The following SMYD3 variants were observed in gnomAD, a reference collection of about 807,000 sequenced individuals.
SMYD3 encodes the protein histone-lysine N-methyltransferase SMYD3.
Under a neutral mutation model 57.7 loss-of-function variants are expected in SMYD3, and 36 were observed. That is an observed-to-expected ratio of 0.62 (90% CI 0.48 to 0.82). The LOEUF (loss-of-function observed/expected upper bound fraction) is 0.82, where lower values mean the gene tolerates loss of function less well. Among genes scored for constraint, SMYD3 ranks in the 40% least tolerant of loss-of-function variants. The pLI is 0.00. For missense variants in SMYD3, 515 were observed against 538.8 expected (o/e 0.96, Z 0.44); for synonymous variants, 211 against 195.0 (o/e 1.08, Z -0.68).
chr1:245,960,727 C>CAAA (rs2057980695), intron 5 of SMYD3, among the ~76,000 whole-genome samples: 1 of 150,462 alleles, frequency 6.6e-6, no homozygotes, highest in East Asian at 2.0e-4. Context: ...GACTCTGTCT[C>CAAA]TAAATAAATA....
At position 246,029,355 on chromosome 1, in the gene SMYD3, G is replaced by T. The variant is rs534485754; in HGVS notation, c.532-99418C>A. Reference sequence around the variant, plus strand: ...TAATCCAGTTAAAAAGTGGGCAAATGATATGAATAGAAATGTCTCAAAAGA... The same window carrying T: ...TAATCCAGTTAAAAAGTGGGCAAATTATATGAATAGAAATGTCTCAAAAGA... On this transcript the variant is annotated intron_variant, in intron 5 of 11. Transcript: ENST00000490107. 1.6e-4 allele frequency among the ~76,000 whole-genome samples: 25 copies of T among 152,258 alleles called. No individual in the cohort carries two copies. The South Asian group carries it at 4.8e-3, about 29-fold the overall frequency.
intron 1 of SMYD3, among the ~76,000 whole-genome samples, chr1:246,382,479 G>A (rs1429949472): frequency 6.6e-6 from 1 of 151,998 alleles, no homozygotes; most frequent in Non-Finnish European, 1.5e-5. Flanking sequence ...TTAGGCACCA[G>A]GCTAGCACCT....
intron 5 of SMYD3, among the ~76,000 whole-genome samples, chr1:245,973,281 G>A (rs1458835873): frequency 1.3e-5 from 2 of 152,226 alleles, no homozygotes; most frequent in Non-Finnish European, 1.5e-5. Context: ...TTATGTTTTT[G>A]AGGTTATAGC....
intron 8 of SMYD3, among the ~76,000 whole-genome samples, chr1:245,895,083 G>A (rs1268713753): frequency 6.6e-6 from 1 of 152,172 alleles, no homozygotes; most frequent in Non-Finnish European, 1.5e-5. Flanking sequence ...ACAGCCCATC[G>A]TAGCATGCCC....
In SMYD3 at chr1:246,348,077, T is replaced by TATATATATATATATACACACATACATAC; in HGVS notation, c.228+6953_228+6954insGTATGTATGTGTGTATATATATATATAT. Among the ~76,000 whole-genome samples the TATATATATATATATACACACATACATAC allele has an allele frequency of 1.7e-4, 15 of 86,502 alleles. 1 individual carries two copies. Among genetic ancestry groups the TATATATATATATATACACACATACATAC allele is most frequent in the South Asian group, 9.8e-4 (3 of 3,064 alleles). 56.7% of individuals were successfully genotyped at this position (86,502 alleles called of 152,430 possible). A position where few individuals can be genotyped will look rare whatever the true frequency, so the allele number is the denominator to read the frequency against. ...AGAAAACGTTATATATATATATATA[T>TATATATATATATATACACACATACATAC]ACACACACACCATCAAATACTATGA... On this transcript the variant is annotated intron_variant, in intron 2 of 11. Coordinates refer to ENST00000490107, the MANE Select transcript of SMYD3 (RefSeq NM_001167740.2).
chr1:246,093,141 G>A (rs1054382758), intron 5 of SMYD3, among the ~76,000 whole-genome samples: 3 of 152,104 alleles, frequency 2.0e-5, no homozygotes, highest in Non-Finnish European at 4.4e-5. Flanking sequence ...AGAGAAGGGG[G>A]AACTCTCATA....
chr1:246,072,640 T>A (rs916409811), intron 5 of SMYD3, among the ~76,000 whole-genome samples: 4 of 152,188 alleles, frequency 2.6e-5, no homozygotes, highest in African/African-American at 7.2e-5. Flanking sequence ...AAAGCATTAT[T>A]TCAGATATGT....
intron 5 of SMYD3, among the ~76,000 whole-genome samples, chr1:246,142,559 G>T (rs1424303853): frequency 6.6e-6 from 1 of 152,168 alleles, no homozygotes; most frequent in African/African-American, 2.4e-5. Flanking sequence ...GGTGACTAAT[G>T]GGTAGGTCGT....
intron 1 of SMYD3, among the ~76,000 whole-genome samples, chr1:246,473,146 T>C (rs982490627): frequency 2.0e-5 from 3 of 152,124 alleles, no homozygotes; most frequent in Admixed American, 6.6e-5. Flanking sequence ...CATGAGTCAC[T>C]GCACCCGGCC....
intron 1 of SMYD3, among the ~76,000 whole-genome samples, chr1:246,456,625 G>C (rs2067703403): frequency 6.6e-6 from 1 of 152,180 alleles, no homozygotes; most frequent in African/African-American, 2.4e-5. Context: ...GAAGCATTTA[G>C]CACCATTTAT....
At chr1:246,099,232 C>T (rs970027275) in intron 5 of SMYD3, among the ~76,000 whole-genome samples, 11 of 152,088 alleles carry the variant, frequency 7.2e-5, no homozygotes, top group African/African-American at 2.7e-4. Flanking sequence ...TGTTTCATGG[C>T]CGGCTGTGAA....
At chr1:246,284,279 T>C (rs2064510697) in intron 5 of SMYD3, among the ~76,000 whole-genome samples, 1 of 152,186 alleles carries the variant, frequency 6.6e-6, no homozygotes, top group Non-Finnish European at 1.5e-5. Flanking sequence ...AGCAGCAGGC[T>C]CCGAAATCTT....
At chr1:246,290,631 A>G (rs2064671137) in intron 5 of SMYD3, among the ~76,000 whole-genome samples, 1 of 152,170 alleles carries the variant, frequency 6.6e-6, no homozygotes, top group Non-Finnish European at 1.5e-5. Flanking sequence ...CGTTTTCCTA[A>G]TATCAATAAG....
In SMYD3 at chr1:246,382,822, GACCCAGGC is replaced by G. The variant is rs564560255; in HGVS notation, c.165-27736_165-27729del. ...CTCAAACTCAAGGCCCATCCACATGGACCCAGGCACCCAGACAATCCTAGTGCCAGGCT... is the reference window on the plus strand; with the variant it reads ...CTCAAACTCAAGGCCCATCCACATGGACCCAGACAATCCTAGTGCCAGGCT... On this transcript the variant is annotated intron_variant, in intron 1 of 11. Coordinates refer to ENST00000490107, the MANE Select transcript of SMYD3 (RefSeq NM_001167740.2). 1.2e-3 allele frequency among the ~76,000 whole-genome samples: 186 copies of G among 151,948 alleles called. 2 individuals are homozygous for G. The highest frequency in any genetic ancestry group is 0.011 in the Admixed American group (161 of 15,264).
chr1:246,122,741 A>G (rs190474243), intron 5 of SMYD3, among the ~76,000 whole-genome samples: 3 of 152,332 alleles, frequency 2.0e-5, no homozygotes, highest in Admixed American at 1.3e-4. Flanking sequence ...GACATTGTGT[A>G]TGGTGACCAG....
At chr1:246,042,211 T>C (rs544841215) in intron 5 of SMYD3, among the ~76,000 whole-genome samples, 3 of 152,330 alleles carry the variant, frequency 2.0e-5, no homozygotes, top group African/African-American at 7.2e-5. Context: ...AGCTCATCAT[T>C]TGAATTTATA....
intron 5 of SMYD3, among the ~76,000 whole-genome samples, chr1:246,149,488 A>AT (rs572273670): frequency 8.5e-5 from 13 of 152,128 alleles, no homozygotes; most frequent in Non-Finnish European, 1.6e-4. Flanking sequence ...AGAAGTGATA[A>AT]TTTTTTTTCC....
chr1:245,941,202 G>C (rs1195734426), intron 5 of SMYD3, among the ~76,000 whole-genome samples: 1 of 152,176 alleles, frequency 6.6e-6, no homozygotes, highest in African/African-American at 2.4e-5. Flanking sequence ...TGGGGTACCT[G>C]AAAGAGCTGG....
At chr1:246,411,330 T>C (rs1183975066) in intron 1 of SMYD3, among the ~76,000 whole-genome samples, 2 of 152,232 alleles carry the variant, frequency 1.3e-5, no homozygotes, top group East Asian at 1.9e-4. Flanking sequence ...AAACAACAGG[T>C]GCTGGAGAGG....
Sources: allele counts gnomAD v4.1 joint callset (sites outside exome capture counted in the v4.1 genomes callset), GRCh38; gene constraint gnomAD v4.1.1; transcripts MANE v1.5; gene names NCBI Gene and HGNC (gene_info 2026-07-23, HGNC 2026-07-21).